Variants in EVC observed in about 807,000 individuals in gnomAD.
EVC encodes the protein EvC ciliary complex subunit 1, also known as evC complex member EVC.
Under a neutral mutation model 118.9 loss-of-function variants are expected in EVC, and 116 were observed. The observed-to-expected ratio is 0.98, with a 90% CI of 0.84 to 1.14. The LOEUF is 1.14. Ranked by LOEUF, EVC falls within the 50% of genes most tolerant of loss-of-function variation. EVC has a pLI of 0.00. For synonymous variants in EVC, 619 were observed against 534.7 expected (o/e 1.16, Z -2.18); for missense variants, 1,401 against 1,246.4 (o/e 1.12, Z -1.87).
At position 5,804,799 on chromosome 4, in the gene EVC, C is replaced by T. The variant is rs143464806; in HGVS notation, c.2519C>T (p.Thr840Met). 193 of 1,614,116 alleles carry T rather than the reference C, an allele frequency of 1.2e-4. No individual in the cohort carries two copies. The highest frequency in any genetic ancestry group is 4.5e-4 in the Admixed American group (27 of 60,010). ...AGCAACCCTTCGTCGGGCAGCAGGACGGCAGGTGGCGCTCATGAGACCTCC... is the reference window on the plus strand; with the variant it reads ...AGCAACCCTTCGTCGGGCAGCAGGATGGCAGGTGGCGCTCATGAGACCTCC... ...ELSNPSSGSR[T>M]AGGAHETSQA... The change falls in exon 17 of 21, where the codon ACG becomes ATG. Residue 840 changes from threonine (T) to methionine (M), a missense_variant. Thr to Met is a moderately conservative substitution (Grantham distance 81). Coordinates refer to ENST00000264956, the MANE Select transcript of EVC (RefSeq NM_153717.3).
intron 11 of EVC, among the ~76,000 whole-genome samples, chr4:5,774,633 A>G (rs935723867): frequency 2.6e-5 from 4 of 152,084 alleles, no homozygotes; most frequent in Admixed American, 2.6e-4. Flanking sequence ...ATGCGGCTGC[A>G]GAGGAGACAG....
chr4:5,714,099 G>A lies in EVC; in HGVS notation c.174+2545G>A, dbSNP rs545044060. On this transcript the variant is annotated intron_variant, in intron 1 of 20. Coordinates refer to ENST00000264956, the MANE Select transcript of EVC (RefSeq NM_153717.3). ...GCACATCTGTTCTCTCCGCCTGCGC[G>A]GTCCTTTCTTAGACTCTATCCTGCT... 1.8e-4 allele frequency among the ~76,000 whole-genome samples: 27 copies of A among 152,126 alleles called. No individual in the cohort carries two copies. The East Asian group carries it at 4.3e-3, about 24-fold the overall frequency.
rs1726879498 is a variant in EVC, at chr4:5,731,857, G to A, written c.617+200G>A. 6.6e-6 allele frequency among the ~76,000 whole-genome samples: 1 copy of A among 152,130 alleles called. No individual in the cohort carries two copies. Among genetic ancestry groups the A allele is most frequent in the Admixed American group, 6.5e-5 (1 of 15,284 alleles). Reference sequence around the variant, plus strand: ...CTGTATTGCCCAACACTGGGGTTATGGAGTCAGGCCTGAGCCCCGGGGAGA... The same window carrying A: ...CTGTATTGCCCAACACTGGGGTTATAGAGTCAGGCCTGAGCCCCGGGGAGA... On this transcript the variant is annotated intron_variant, in intron 4 of 20. Transcript: ENST00000264956. The surrounding 1 kb of genome is among the most constrained non-coding windows in gnomAD (Gnocchi z 5.6).
intron 13 of EVC, among the ~76,000 whole-genome samples, chr4:5,795,630 C>T (rs564262473): frequency 2.8e-4 from 42 of 152,284 alleles, no homozygotes; most frequent in African/African-American, 9.9e-4. Context: ...CCAGCCTGGG[C>T]TACAGAGTGA....
At chr4:5,748,439 C>T in intron 8 of EVC, 133 bp downstream of exon 8, 6 of 857,022 alleles carry the variant, frequency 7.0e-6, no homozygotes, top group Non-Finnish European at 1.1e-5. Context: ...AAAAAAAAAC[C>T]AACAACAACA....
At chr4:5,825,719 A>C in the EVC span, 1 of 1,564,106 alleles carries the variant, frequency 6.4e-7, no homozygotes, top group Admixed American at 2.0e-5. The surrounding 1 kb of genome is among the most constrained non-coding windows in gnomAD (Gnocchi z 4.4). Flanking sequence ...CCTTCTGGGC[A>C]GATAAAGCAG....
intron 17 of EVC, among the ~76,000 whole-genome samples, chr4:5,805,947 T>G (rs1185965486): frequency 6.6e-6 from 1 of 150,750 alleles, no homozygotes; most frequent in Non-Finnish European, 1.5e-5. Context: ...ATAGCTATAT[T>G]GAATAGTGGT....
At chr4:5,824,092 G>A in the EVC span, among the ~76,000 whole-genome samples, 2 of 152,144 alleles carry the variant, frequency 1.3e-5, no homozygotes, top group African/African-American at 4.8e-5. Context: ...TAACTTCATT[G>A]TTATTCTTGT....
intron 11 of EVC, among the ~76,000 whole-genome samples, chr4:5,775,991 C>G: frequency 6.6e-6 from 1 of 151,884 alleles, no homozygotes; most frequent in East Asian, 1.9e-4. Context: ...TTTGTGGTTT[C>G]TACCATTAGC....
At chr4:5,713,513 A>C (rs562958935) in intron 1 of EVC, among the ~76,000 whole-genome samples, 1 of 152,112 alleles carries the variant, frequency 6.6e-6, no homozygotes, top group South Asian at 2.1e-4. Flanking sequence ...CCCTGCCTCT[A>C]CTAAAAATAC....
intron 2 of EVC, among the ~76,000 whole-genome samples, chr4:5,728,459 TAAG>T (rs1424843824): frequency 2.0e-5 from 3 of 152,026 alleles, no homozygotes; most frequent in Non-Finnish European, 4.4e-5. Context: ...CTTATCAGCT[TAAG>T]GAGATTTTGG....
chr4:5,759,473 G>A lies in EVC; in HGVS notation c.1563+3111G>A, dbSNP rs548654024. 4.6e-5 allele frequency among the ~76,000 whole-genome samples: 7 copies of A among 152,204 alleles called. No individual in the cohort carries two copies. The East Asian group carries it at 5.8e-4, about 13-fold the overall frequency. On this transcript the variant is annotated intron_variant, in intron 11 of 20. Coordinates refer to ENST00000264956, the MANE Select transcript of EVC (RefSeq NM_153717.3). Reference sequence around the variant, plus strand: ...AGCCGGGCCACTTATTTCCCCTGCCGGAGGTGAGCCCAGGTGGCCCAGAGG... The same window carrying A: ...AGCCGGGCCACTTATTTCCCCTGCCAGAGGTGAGCCCAGGTGGCCCAGAGG...
chr4:5,767,570 C>T (rs1733128129), intron 11 of EVC, among the ~76,000 whole-genome samples: 1 of 151,124 alleles, frequency 6.6e-6, no homozygotes, highest in African/African-American at 2.4e-5. Context: ...GGCATAGGAC[C>T]CTCCGAGCCA....
At chr4:5,770,586 G>A (rs1733789649) in intron 11 of EVC, among the ~76,000 whole-genome samples, 1 of 152,190 alleles carries the variant, frequency 6.6e-6, no homozygotes, top group Admixed American at 6.5e-5. Flanking sequence ...AAGGGAGAAG[G>A]AATGTGCCCT....
At position 5,753,906 on chromosome 4, in the gene EVC, G is replaced by A. The variant is rs112861104; in HGVS notation, c.1437G>A (p.Pro479=). ...EQRSFLAEAQ[P]TADPEKFLEA... ...GAAGCTTCCTGGCTGAGGCCCAGCC[G>A]ACTGCTGACCCGGAAAAGTTTCTCG... Residue 479 remains proline (P), a synonymous_variant, in exon 10 of 21, where the codon CCG becomes CCA. Transcript: ENST00000264956. The A allele has an allele frequency of 1.2e-5, 20 of 1,613,550 alleles. No homozygotes were observed. Among genetic ancestry groups the A allele is most frequent in the African/African-American group, 8.0e-5 (6 of 75,018 alleles).
intron 1 of EVC, among the ~76,000 whole-genome samples, chr4:5,718,359 G>A (rs1393777616): frequency 6.6e-6 from 1 of 152,020 alleles, no homozygotes; most frequent in Admixed American, 6.5e-5. Context: ...ACAGACATCA[G>A]CTCTGTAACT....
the EVC span, chr4:5,821,710 T>G: frequency 6.6e-7 from 1 of 1,514,732 alleles, no homozygotes. The surrounding 1 kb of genome is among the most constrained non-coding windows in gnomAD (Gnocchi z 4.4). Flanking sequence ...GGAAAAGGGA[T>G]GGACATGATT....
intron 11 of EVC, among the ~76,000 whole-genome samples, chr4:5,770,252 C>G (rs1189581468): frequency 1.3e-5 from 2 of 152,142 alleles, no homozygotes; most frequent in East Asian, 1.9e-4. Context: ...CCTCCGCCCC[C>G]ACAGCTGCCC....
Position 5,731,717 on chromosome 4 carries a change from C to G in EVC, c.617+60C>G. The G allele has an allele frequency of 1.4e-6, 2 of 1,481,034 alleles. No individual in the cohort carries two copies. Among genetic ancestry groups the G allele is most frequent in the Non-Finnish European group, 9.3e-7 (1 of 1,075,962 alleles). The allele number at this position is 1,481,034 out of a possible 1,614,324, so 91.7% of individuals were successfully genotyped here. A position where few individuals can be genotyped will look rare whatever the true frequency, so the allele number is the denominator to read the frequency against. On this transcript the variant is annotated intron_variant, in intron 4 of 20. Coordinates refer to ENST00000264956, the MANE Select transcript of EVC (RefSeq NM_153717.3). This position sits in a 1 kb window ranked among gnomAD's most constrained non-coding sequence, Gnocchi z 5.6. ...AGTCCTCTTGGAGTGGGCCGGGAGTCACATCATTGTCAGAGGAGGAAACAG... is the reference window on the plus strand; with the variant it reads ...AGTCCTCTTGGAGTGGGCCGGGAGTGACATCATTGTCAGAGGAGGAAACAG...
Sources: gnomAD v4.1 joint callset for allele counts (sites outside exome capture counted in the v4.1 genomes callset) on GRCh38, gnomAD v4.1.1 for gene constraint, Gnocchi (gnomAD v3.1) non-coding constraint, MANE v1.5 for transcripts, NCBI Gene and HGNC (gene_info 2026-07-23, HGNC 2026-07-21) for gene names.